COL13A1: variants seen among roughly 807,000 people sequenced by gnomAD.
The protein encoded by COL13A1 is collagen alpha-1(XIII) chain.
Under a neutral mutation model 130.9 loss-of-function variants are expected in COL13A1, and 89 were observed. That is an observed-to-expected ratio of 0.68 (90% CI 0.57 to 0.81). The LOEUF (loss-of-function observed/expected upper bound fraction) is 0.81. Ranked by LOEUF, COL13A1 falls within the 30% of genes least tolerant of loss-of-function variation. COL13A1 has a pLI of 0.00. For missense variants in COL13A1, 879 were observed against 934.6 expected, an observed-to-expected ratio of 0.94 and a Z score of 0.78; for synonymous variants, 402 against 341.6, an observed-to-expected ratio of 1.18 and a Z score of -1.95.
chr10:69,851,945 G>A (rs568356235), intron 2 of COL13A1, among the ~76,000 whole-genome samples: 2 of 152,280 alleles, frequency 1.3e-5, no homozygotes, highest in South Asian at 2.1e-4. Context: ...GTGAGCCACC[G>A]CTCCTGGCCT....
At chr10:69,856,852 G>C (rs1469870762) in intron 2 of COL13A1, among the ~76,000 whole-genome samples, 2 of 152,180 alleles carry the variant, frequency 1.3e-5, no homozygotes, top group African/African-American at 2.4e-5. Flanking sequence ...ACTCAGTCAA[G>C]GGTGACAAGT....
chr10:69,888,402 T>G, intron 9 of COL13A1, 72 bp downstream of exon 9: 1 of 1,560,808 alleles, frequency 6.4e-7, no homozygotes, highest in Admixed American at 1.8e-5. Flanking sequence ...TGCAAGATAT[T>G]GAATCCTTGG....
intron 27 of COL13A1, among the ~76,000 whole-genome samples, chr10:69,927,598 C>T (rs1398423401): frequency 1.3e-5 from 2 of 152,200 alleles, no homozygotes; most frequent in Admixed American, 6.5e-5. Context: ...AGGTGCCTAC[C>T]GGTGACAGGC....
chr10:69,816,735 G>T (rs191605864), intron 1 of COL13A1, among the ~76,000 whole-genome samples: 1 of 152,238 alleles, frequency 6.6e-6, no homozygotes, highest in East Asian at 1.9e-4. Context: ...AGGGGGGTGA[G>T]CAAAGGCTGC....
chr10:69,831,611 G>A (rs958416330), intron 2 of COL13A1, among the ~76,000 whole-genome samples: 4 of 152,206 alleles, frequency 2.6e-5, no homozygotes, highest in Admixed American at 1.3e-4. Flanking sequence ...CGAGGTGATA[G>A]GGAGATAAGT....
At chr10:69,814,700 C>A (rs1843991255) in intron 1 of COL13A1, among the ~76,000 whole-genome samples, 1 of 152,034 alleles carries the variant, frequency 6.6e-6, no homozygotes, top group South Asian at 2.1e-4. Flanking sequence ...GGGACTAGAC[C>A]CCAAGGCTCT....
chr10:69,811,024 G>A (rs772777008), intron 1 of COL13A1, among the ~76,000 whole-genome samples: 2 of 152,160 alleles, frequency 1.3e-5, no homozygotes, highest in Non-Finnish European at 2.9e-5. Flanking sequence ...CCTGCCTGGC[G>A]GCTATTGTAG....
chr10:69,922,019 C>A (rs2064753669), intron 22 of COL13A1, 84 bp downstream of exon 22: 2 of 1,462,120 alleles, frequency 1.4e-6, no homozygotes, highest in Admixed American at 2.2e-5. Flanking sequence ...CAGGCCCCAG[C>A]ATTGGACGTG....
At chr10:69,881,892 G>T (rs2060177534) in intron 7 of COL13A1, among the ~76,000 whole-genome samples, 1 of 152,212 alleles carries the variant, frequency 6.6e-6, no homozygotes, top group South Asian at 2.1e-4. Context: ...CATAGGGCTG[G>T]CACGTGGCTA....
chr10:69,805,867 G>A (rs905829960), intron 1 of COL13A1, among the ~76,000 whole-genome samples: 1 of 152,206 alleles, frequency 6.6e-6, no homozygotes, highest in Non-Finnish European at 1.5e-5. Context: ...CAAGAGAGGG[G>A]AAATGGTTTT....
chr10:69,941,123 T>C, intron 35 of COL13A1, 100 bp downstream of exon 35: 1 of 1,577,436 alleles, frequency 6.3e-7, no homozygotes, highest in Non-Finnish European at 8.7e-7. Flanking sequence ...TCCCAGTGAA[T>C]CATGCCTGGT....
intron 3 of COL13A1, among the ~76,000 whole-genome samples, chr10:69,871,489 C>T (rs2059066414): frequency 6.6e-6 from 1 of 152,184 alleles, no homozygotes; most frequent in Non-Finnish European, 1.5e-5. Context: ...CAAGGACTCC[C>T]CACCGACTGG....
chr10:69,891,101 A>C (rs2061126746), intron 10 of COL13A1, among the ~76,000 whole-genome samples: 1 of 152,244 alleles, frequency 6.6e-6, no homozygotes, highest in African/African-American at 2.4e-5. Context: ...CTAGGGATAC[A>C]GACGGGAGCA....
At chr10:69,919,756 C>T in intron 21 of COL13A1, 29 bp downstream of exon 21, 1 of 398,646 alleles carries the variant, frequency 2.5e-6, no homozygotes, top group Admixed American at 4.4e-5. Context: ...GAGTGTGTGC[C>T]CCTTCATCCT....
intron 36 of COL13A1, among the ~76,000 whole-genome samples, chr10:69,945,148 C>T (rs976786003): frequency 2.0e-5 from 3 of 152,274 alleles, no homozygotes; most frequent in South Asian, 2.1e-4. Context: ...TGTGGGCATC[C>T]GTCGAGTTCT....
chr10:69,878,140 G>GC (rs962359112), intron 6 of COL13A1, 75 bp downstream of exon 6: 4 of 695,760 alleles, frequency 5.7e-6, no homozygotes, highest in Non-Finnish European at 1.1e-5. Flanking sequence ...GAGGCTCTCA[G>GC]CCCTCCCCCC....
intron 1 of COL13A1, among the ~76,000 whole-genome samples, chr10:69,818,766 C>T (rs974453080): frequency 6.6e-6 from 1 of 152,218 alleles, no homozygotes; most frequent in Non-Finnish European, 1.5e-5. Flanking sequence ...AGCAGAGTCT[C>T]CCTTCCTCTA....
In COL13A1 at chr10:69,872,202, G is replaced by A. The variant is rs375057935; in HGVS notation, c.391G>A (p.Gly131Arg). 11 of 1,613,894 alleles carry A rather than the reference G, an allele frequency of 6.8e-6. No homozygotes were observed. Among genetic ancestry groups the A allele is most frequent in the East Asian group, 2.2e-5 (1 of 44,902 alleles). ...ATTTCAGGGTCCCACTGGAAGACCC[G>A]GACTCCCAGTAAGTCACTTTTGTTT... ...PGPPGPTGRP[G>R]LPGDKGAIGM... Residue 131 changes from glycine to arginine, a missense_variant, in exon 4 of 41, where the codon GGA becomes AGA. Physicochemically the swap from Gly to Arg is moderately radical, Grantham distance 125 (BLOSUM62 -2). This residue lies in a region of COL13A1 where 715 missense variants were observed against 721.0 expected (regional missense o/e 0.99). Coordinates refer to ENST00000645393, the MANE Select transcript of COL13A1 (RefSeq NM_001368882.1).
At chr10:69,872,399 G>T (rs1461501774) in intron 4 of COL13A1, among the ~76,000 whole-genome samples, 189 bp downstream of exon 4, 1 of 152,204 alleles carries the variant, frequency 6.6e-6, no homozygotes, top group Non-Finnish European at 1.5e-5. Flanking sequence ...ATCTAGAGAG[G>T]ACCCTGCTGG....
Sources: allele counts gnomAD v4.1 joint callset (sites outside exome capture counted in the v4.1 genomes callset), GRCh38; gene constraint gnomAD v4.1.1; regional missense constraint gnomAD v4.1.1; transcripts MANE v1.5; gene names NCBI Gene and HGNC (gene_info 2026-07-23, HGNC 2026-07-21).